ASAP1: variants seen among roughly 807,000 people sequenced by gnomAD.
The protein encoded by ASAP1 is ArfGAP with SH3 domain, ankyrin repeat and PH domain 1, also known as arf-GAP with SH3 domain, ANK repeat and PH domain-containing protein 1.
A neutral mutation model predicts 145.2 loss-of-function variants in ASAP1; 43 were observed. The observed-to-expected ratio is 0.30, with a 90% CI of 0.23 to 0.38. The LOEUF (loss-of-function observed/expected upper bound fraction) is 0.38. ASAP1 is among the 10% of genes least tolerant of loss of function. ASAP1 has a pLI of 1.00. For missense variants in ASAP1, 1,018 were observed against 1,355.3 expected (o/e 0.75, Z 3.91); for synonymous variants, 546 against 515.5 (o/e 1.06, Z -0.80).
intron 3 of ASAP1, among the ~76,000 whole-genome samples, chr8:130,316,561 G>A (rs1438033287): frequency 6.6e-6 from 1 of 152,228 alleles, no homozygotes; most frequent in Non-Finnish European, 1.5e-5. Flanking sequence ...TATGGGTTCT[G>A]GAAAAGAAGT....
intron 3 of ASAP1, among the ~76,000 whole-genome samples, chr8:130,291,298 T>C (rs917759616): frequency 3.9e-5 from 6 of 152,232 alleles, no homozygotes; most frequent in African/African-American, 1.4e-4. Context: ...TGCTAAAGTA[T>C]ACATTCTAAG....
At chr8:130,219,950 C>A (rs565393555) in intron 4 of ASAP1, among the ~76,000 whole-genome samples, 2 of 152,162 alleles carry the variant, frequency 1.3e-5, no homozygotes, top group East Asian at 1.9e-4. Flanking sequence ...CCATCATGAC[C>A]GGCTAATTTT....
intron 11 of ASAP1, among the ~76,000 whole-genome samples, chr8:130,162,750 G>C (rs576785293): frequency 6.6e-6 from 1 of 151,818 alleles, no homozygotes; most frequent in Non-Finnish European, 1.5e-5. Context: ...CCCAGGAGGC[G>C]GGGCTTGCAG....
intron 27 of ASAP1, among the ~76,000 whole-genome samples, chr8:130,067,976 A>G (rs575220860): frequency 6.6e-6 from 1 of 152,336 alleles, no homozygotes; most frequent in South Asian, 2.1e-4. Flanking sequence ...TCTGACTCAC[A>G]GAAACATGTG....
intron 5 of ASAP1, among the ~76,000 whole-genome samples, chr8:130,213,907 A>G (rs1816735760): frequency 6.6e-6 from 1 of 152,118 alleles, no homozygotes; most frequent in Non-Finnish European, 1.5e-5. Flanking sequence ...CTGCCTGGCA[A>G]ACAGTTTCCT....
intron 3 of ASAP1, among the ~76,000 whole-genome samples, chr8:130,285,846 T>C (rs1821576641): frequency 6.6e-6 from 1 of 152,222 alleles, no homozygotes; most frequent in Admixed American, 6.5e-5. Context: ...CTGTTCCTGC[T>C]GAGCGAGTAC....
Position 130,054,622 on chromosome 8 carries a change from A to AT in ASAP1, c.*108dup. ...ATCCCCCTCCTGAGGTGGCCCTTCC[A>AT]TGAGTTTCTTACTCTGTAACAGCAG... On this transcript the variant is annotated 3_prime_UTR_variant, in exon 30 of 30. Coordinates refer to ENST00000518721, the MANE Select transcript of ASAP1 (RefSeq NM_018482.4). 1.1e-6 allele frequency: 1 copy of AT among 928,184 alleles called. No individual in the cohort carries two copies. The highest frequency in any genetic ancestry group is 1.6e-5 in the African/African-American group (1 of 61,096). 57.5% of individuals were successfully genotyped at this position (928,184 alleles called of 1,614,324 possible). A position where few individuals can be genotyped will look rare whatever the true frequency, so the allele number is the denominator to read the frequency against.
chr8:130,313,894 G>A (rs767461468), intron 3 of ASAP1, among the ~76,000 whole-genome samples: 32 of 152,198 alleles, frequency 2.1e-4, no homozygotes, highest in African/African-American at 4.3e-4. Flanking sequence ...TCGACACCAC[G>A]TCCCATGCTC....
chr8:130,359,797 G>C lies in ASAP1; in HGVS notation c.60-1654C>G, dbSNP rs1377837166. On this transcript the variant is annotated intron_variant, in intron 2 of 29. Coordinates refer to ENST00000518721, the MANE Select transcript of ASAP1 (RefSeq NM_018482.4). ...CGCCACCGCGCCCGGCTAATTTTTT[G>C]TATTTTTAGTAGAGACGGTGTTTTA... Among the ~76,000 whole-genome samples, 7 of 152,032 alleles carry C rather than the reference G, an allele frequency of 4.6e-5. 1 individual carries two copies. Among genetic ancestry groups the C allele is most frequent in the Non-Finnish European group, 1.0e-4 (7 of 67,948 alleles).
intron 1 of ASAP1, among the ~76,000 whole-genome samples, chr8:130,403,557 T>TTC (rs1565287318): frequency 2.7e-5 from 4 of 147,998 alleles, no homozygotes; most frequent in Non-Finnish European, 3.0e-5. Context: ...TCTTTTTCTT[T>TTC]TTTTTTTTTT....
chr8:130,126,720 T>G (rs531122500), intron 16 of ASAP1, among the ~76,000 whole-genome samples: 1 of 152,234 alleles, frequency 6.6e-6, no homozygotes, highest in East Asian at 1.9e-4. Context: ...CTGCTTGCCA[T>G]TTCCTGACAC....
At chr8:130,104,287 A>T (rs2097533505) in intron 24 of ASAP1, among the ~76,000 whole-genome samples, 1 of 152,222 alleles carries the variant, frequency 6.6e-6, no homozygotes, top group Admixed American at 6.5e-5. Context: ...ATAATAAAGA[A>T]ATCAATGTAC....
At chr8:130,160,871 T>C in intron 11 of ASAP1, 1 of 1,116,880 alleles carries the variant, frequency 9.0e-7, no homozygotes, top group Non-Finnish European at 1.2e-6. Context: ...TTGAAAATGT[T>C]ATCCATAATT....
chr8:130,135,528 CA>C (rs78156447), intron 14 of ASAP1, among the ~76,000 whole-genome samples: 1 of 151,728 alleles, frequency 6.6e-6, no homozygotes, highest in Non-Finnish European at 1.5e-5. Context: ...CAAAACAAAA[CA>C]AAAAAAAGAA....
At chr8:130,177,748 G>T (rs992926051) in intron 9 of ASAP1, among the ~76,000 whole-genome samples, 1 of 151,942 alleles carries the variant, frequency 6.6e-6, no homozygotes, top group Non-Finnish European at 1.5e-5. Context: ...TCATCAAAAA[G>T]GTTTTCCTTA....
intron 7 of ASAP1, 75 bp downstream of exon 7, chr8:130,187,161 G>GTTTTT: frequency 3.7e-6 from 4 of 1,089,498 alleles, no homozygotes; most frequent in African/African-American, 1.7e-5. Context: ...TTCCAGTTAA[G>GTTTTT]TTTTTTTTTT....
intron 5 of ASAP1, among the ~76,000 whole-genome samples, chr8:130,191,292 AT>A (rs1160074871): frequency 6.6e-6 from 1 of 152,202 alleles, no homozygotes; most frequent in Non-Finnish European, 1.5e-5. Context: ...TCTTGGTAAA[AT>A]CAAGTTTTAG....
intron 3 of ASAP1, among the ~76,000 whole-genome samples, chr8:130,291,007 C>G (rs1386266372): frequency 6.6e-6 from 1 of 152,318 alleles, no homozygotes; most frequent in East Asian, 1.9e-4. Flanking sequence ...GGCTAAGGAA[C>G]AGAAAAGACG....
At chr8:130,286,739 C>T (rs16904237) in intron 3 of ASAP1, among the ~76,000 whole-genome samples, 15,596 of 152,154 alleles carry the variant, frequency 0.1, 941 homozygotes, top group South Asian at 0.27. Flanking sequence ...TCACAGCATC[C>T]GACATGTTTA....
Sources: gnomAD v4.1 joint callset for allele counts (sites outside exome capture counted in the v4.1 genomes callset) on GRCh38, gnomAD v4.1.1 for gene constraint, MANE v1.5 for transcripts, NCBI Gene and HGNC (gene_info 2026-07-23, HGNC 2026-07-21) for gene names.